Variants in GHR observed in about 807,000 individuals in gnomAD.
GHR encodes the protein growth hormone receptor.
Under a neutral mutation model 67.1 loss-of-function variants are expected in GHR, and 35 were observed. The observed-to-expected ratio is 0.52, with a 90% CI of 0.40 to 0.69. GHR has a LOEUF of 0.69. Among genes scored for constraint, GHR ranks in the 30% least tolerant of loss-of-function variants. The pLI is 0.00. For missense variants in GHR, 792 were observed against 764.6 expected, an observed-to-expected ratio of 1.04 and a Z score of -0.42; for synonymous variants, 272 against 269.1, an observed-to-expected ratio of 1.01 and a Z score of -0.10.
intron 3 of GHR, among the ~76,000 whole-genome samples, chr5:42,661,939 G>T (rs1441241021): frequency 6.6e-6 from 1 of 152,076 alleles, no homozygotes; most frequent in East Asian, 1.9e-4. Flanking sequence ...AACAAAAAAA[G>T]TCAGGGGTTG....
intron 2 of GHR, among the ~76,000 whole-genome samples, chr5:42,612,227 A>G (rs1172614421): frequency 6.6e-6 from 1 of 152,200 alleles, no homozygotes; most frequent in African/African-American, 2.4e-5. Flanking sequence ...ATAATAGTTG[A>G]AAATTACTGT....
At position 42,425,799 on chromosome 5, in the gene GHR, TG is replaced by T. The variant is rs546081980; in HGVS notation, c.-12+1846del. Among the ~76,000 whole-genome samples the T allele has an allele frequency of 3.9e-5, 6 of 152,332 alleles. No homozygotes were observed. In the East Asian group the frequency reaches 1.2e-3, roughly 29 times the overall value. On this transcript the variant is annotated intron_variant, in intron 1 of 9. Transcript: ENST00000230882. ...TGTTTTGCATTAATCTAAGGAAAGTTGGTGTGTCAACATTTAGCTTTTTTTT... is the reference window on the plus strand; with the variant it reads ...TGTTTTGCATTAATCTAAGGAAAGTTGTGTGTCAACATTTAGCTTTTTTTT...
At chr5:42,466,633 A>G (rs138544551) in intron 1 of GHR, among the ~76,000 whole-genome samples, 2,297 of 152,362 alleles carry the variant, frequency 0.015, 18 homozygotes, top group Non-Finnish European at 0.023. Flanking sequence ...AGAAAGCTAC[A>G]TTCCATTTCA....
intron 7 of GHR, among the ~76,000 whole-genome samples, chr5:42,711,671 T>A (rs1185067870): frequency 6.6e-6 from 1 of 152,136 alleles, no homozygotes; most frequent in Non-Finnish European, 1.5e-5. Context: ...TCTTTATATA[T>A]TTTTATATTT....
At chr5:42,432,239 T>C (rs1042058570) in intron 1 of GHR, among the ~76,000 whole-genome samples, 1 of 152,248 alleles carries the variant, frequency 6.6e-6, no homozygotes, top group African/African-American at 2.4e-5. Flanking sequence ...AAAAATGCAC[T>C]TTATTTTATT....
intron 1 of GHR, among the ~76,000 whole-genome samples, chr5:42,476,163 A>G (rs1745304777): frequency 6.6e-6 from 1 of 151,794 alleles, no homozygotes; most frequent in African/African-American, 2.4e-5. Context: ...TCAGCCTCCC[A>G]AAGTGCTGGG....
rs994069670 is a variant in GHR at position 42,719,634 on chromosome 5, T to C, written c.*210T>C. ...AGATAGATATTCCTATTGTGCAATG[T>C]AAATATTTTAAAGAATTGTGTCAGA... On this transcript the variant is annotated 3_prime_UTR_variant, in exon 10 of 10. Coordinates refer to ENST00000230882, the MANE Select transcript of GHR (RefSeq NM_000163.5). 1.4e-5 allele frequency: 8 copies of C among 570,328 alleles called. No individual in the cohort carries two copies. Among genetic ancestry groups the C allele is most frequent in the African/African-American group, 9.3e-5 (5 of 53,522 alleles). The allele number at this position is 570,328 out of a possible 1,614,324, so 35.3% of individuals were successfully genotyped here.
At chr5:42,654,523 T>C (rs558348367) in intron 3 of GHR, among the ~76,000 whole-genome samples, 1 of 152,242 alleles carries the variant, frequency 6.6e-6, no homozygotes, top group Admixed American at 6.5e-5. Context: ...AATATTACAC[T>C]GTCTTCCAAA....
At chr5:42,647,664 C>A in intron 3 of GHR, 2 of 452,506 alleles carry the variant, frequency 4.4e-6, no homozygotes, top group Non-Finnish European at 8.9e-6. Flanking sequence ...GTCTTACATG[C>A]AAGCCTAATG....
rs577382742 is a variant in GHR, at chr5:42,474,886, C to CTT, written c.-12+50946_-12+50947dup. Among the ~76,000 whole-genome samples, 28 of 122,180 alleles carry CTT rather than the reference C, an allele frequency of 2.3e-4. 1 individual carries two copies. Among genetic ancestry groups the CTT allele is most frequent in the African/African-American group, 3.7e-4 (12 of 32,052 alleles). 80.2% of individuals were successfully genotyped at this position (122,180 alleles called of 152,430 possible). A position where few individuals can be genotyped will look rare whatever the true frequency, so the allele number is the denominator to read the frequency against. On this transcript the variant is annotated intron_variant, in intron 1 of 9. Coordinates refer to ENST00000230882, the MANE Select transcript of GHR (RefSeq NM_000163.5). ...ATTTTTTTCTTTTTTTTTTTTTGCC[C>CTT]TTTTTTTTTTTTTTTTAAACAGAGT...
chr5:42,654,597 G>A (rs1045086910), intron 3 of GHR, among the ~76,000 whole-genome samples: 23 of 152,074 alleles, frequency 1.5e-4, no homozygotes, highest in Non-Finnish European at 2.6e-4. Flanking sequence ...CTCCTTTTCC[G>A]CTTACCAGAC....
chr5:42,687,885 A>G (rs775213515), intron 3 of GHR, among the ~76,000 whole-genome samples: 1 of 152,236 alleles, frequency 6.6e-6, no homozygotes, highest in Non-Finnish European at 1.5e-5. Flanking sequence ...GAAATCTCCA[A>G]AATGGCCATG....
At chr5:42,501,605 T>G (rs1218286832) in intron 1 of GHR, among the ~76,000 whole-genome samples, 1 of 152,182 alleles carries the variant, frequency 6.6e-6, no homozygotes, top group African/African-American at 2.4e-5. Flanking sequence ...TTAGGATGTT[T>G]AGCAGCATCT....
Position 42,498,922 on chromosome 5 carries a change from A to G in GHR, c.-11-66942A>G, listed in dbSNP as rs145034014. 1.4e-3 allele frequency among the ~76,000 whole-genome samples: 217 copies of G among 152,302 alleles called. 2 individuals are homozygous for G. Among genetic ancestry groups the G allele is most frequent in the Middle Eastern group, 6.8e-3 (2 of 294 alleles). ...ATTCTGGTACCTGAGAAAATTGACA[A>G]TCTCTGGTCTAAACTCTTACAGGCC... On this transcript the variant is annotated intron_variant, in intron 1 of 9. Transcript: ENST00000230882.
intron 1 of GHR, among the ~76,000 whole-genome samples, chr5:42,437,950 C>A (rs4866782): frequency 0.018 from 2,793 of 151,688 alleles, 150 homozygotes; most frequent in East Asian, 0.11. Context: ...CTGACTGCCT[C>A]TCTTTAGAAA....
At chr5:42,560,936 C>T (rs1002846114) in intron 1 of GHR, among the ~76,000 whole-genome samples, 1 of 152,152 alleles carries the variant, frequency 6.6e-6, no homozygotes, top group Non-Finnish European at 1.5e-5. Flanking sequence ...CTAAGGAAAA[C>T]CCACTTTTGC....
intron 3 of GHR, among the ~76,000 whole-genome samples, chr5:42,647,334 G>T (rs906416131): frequency 1.3e-5 from 2 of 152,112 alleles, no homozygotes; most frequent in African/African-American, 4.8e-5. Flanking sequence ...CAGCACTTTG[G>T]GAGGCCGAGG....
At chr5:42,608,150 A>G (rs945047454) in intron 2 of GHR, among the ~76,000 whole-genome samples, 2 of 152,226 alleles carry the variant, frequency 1.3e-5, no homozygotes, top group African/African-American at 2.4e-5. Context: ...AGCCTTATCT[A>G]TCTGACCAGG....
intron 1 of GHR, among the ~76,000 whole-genome samples, chr5:42,518,152 A>T (rs1040700906): frequency 6.7e-6 from 1 of 148,690 alleles, no homozygotes; most frequent in Admixed American, 6.7e-5. Flanking sequence ...ATATATTATT[A>T]TATAATATAG....
Sources: gnomAD v4.1 joint callset for allele counts (sites outside exome capture counted in the v4.1 genomes callset) on GRCh38, gnomAD v4.1.1 for gene constraint, MANE v1.5 for transcripts, NCBI Gene and HGNC (gene_info 2026-07-23, HGNC 2026-07-21) for gene names.